Variants in RGS6 observed in about 807,000 individuals in gnomAD.
The protein encoded by RGS6 is regulator of G protein signaling 6, also known as regulator of G-protein signaling 6.
A neutral mutation model predicts 78.5 loss-of-function variants in RGS6; 30 were observed. The ratio of observed to expected loss-of-function variants is 0.38; its 90% CI spans 0.29 to 0.52. RGS6 has a LOEUF of 0.52. Among genes scored for constraint, RGS6 ranks in the 20% least tolerant of loss-of-function variants. The pLI is 0.85. For synonymous variants in RGS6, 206 were observed against 206.0 expected (o/e 1.00, Z 0.00); for missense variants, 495 against 609.7 (o/e 0.81, Z 1.98).
intron 17 of RGS6, among the ~76,000 whole-genome samples, chr14:72,553,903 A>T (rs891356162): frequency 2.6e-5 from 4 of 152,202 alleles, no homozygotes; most frequent in South Asian, 2.1e-4. Context: ...CCTCTGTCCC[A>T]TGGGGACCAA....
chr14:71,910,300 C>CT, the RGS6 span, among the ~76,000 whole-genome samples: 1 of 152,342 alleles, frequency 6.6e-6, no homozygotes, highest in Middle Eastern at 3.4e-3. Context: ...ATAAATTCTC[C>CT]TTTACTGGAG....
chr14:72,329,197 T>G (rs1342893021), intron 2 of RGS6, among the ~76,000 whole-genome samples: 1 of 152,280 alleles, frequency 6.6e-6, no homozygotes, highest in Admixed American at 6.5e-5. Context: ...ATTTTAGATG[T>G]TGGGAAGTTT....
intron 2 of RGS6, among the ~76,000 whole-genome samples, chr14:72,313,733 A>G (rs540661356): frequency 2.5e-4 from 38 of 152,330 alleles, no homozygotes; most frequent in Admixed American, 1.2e-3. Flanking sequence ...CAAAGGGGCT[A>G]TGGTGTATGT....
chr14:72,095,665 AG>A (rs2095387532), intron 2 of RGS6, among the ~76,000 whole-genome samples: 2 of 152,192 alleles, frequency 1.3e-5, no homozygotes, highest in Non-Finnish European at 2.9e-5. Flanking sequence ...AGGAACAGAG[AG>A]GGAACGTATG....
At position 71,975,537 on chromosome 14, in the gene RGS6, C is replaced by G. The variant is rs774194197; in HGVS notation, c.84+10662C>G. The stretch of plus-strand genomic sequence containing the variant: ...GCAGTGGTGCAACCTTGGCTCACTG[C>G]AGCTGCCACCTCCTGGAATCAAGTG... On this transcript the variant is annotated intron_variant, in intron 2 of 17. Coordinates refer to ENST00000553525, the MANE Select transcript of RGS6 (RefSeq NM_001204424.2). Among the ~76,000 whole-genome samples, 28 of 152,122 alleles carry G rather than the reference C, an allele frequency of 1.8e-4. 1 individual carries two copies. Among genetic ancestry groups the G allele is most frequent in the Non-Finnish European group, 4.1e-4 (28 of 67,998 alleles).
intron 2 of RGS6, among the ~76,000 whole-genome samples, chr14:72,309,295 A>G (rs1020876483): frequency 6.6e-6 from 1 of 152,232 alleles, no homozygotes; most frequent in African/African-American, 2.4e-5. Flanking sequence ...GTTACAAGCC[A>G]AAGTAGGAAG....
chr14:72,537,369 A>G (rs1335253667), intron 16 of RGS6: 2 of 646,216 alleles, frequency 3.1e-6, no homozygotes, highest in African/African-American at 3.6e-5. Flanking sequence ...GGACCACACA[A>G]CTCCAGAGTC....
intron 2 of RGS6, among the ~76,000 whole-genome samples, chr14:72,070,140 C>CTCTCTCTCTG (rs1190036038): frequency 6.6e-6 from 1 of 152,104 alleles, no homozygotes; most frequent in South Asian, 2.1e-4. Context: ...ATTTCTCTCT[C>CTCTCTCTCTG]TCTCTCTCTG....
chr14:71,877,967 T>A, the RGS6 span, among the ~76,000 whole-genome samples: 1 of 152,204 alleles, frequency 6.6e-6, no homozygotes, highest in Non-Finnish European at 1.5e-5. Flanking sequence ...GCTATTTGCC[T>A]GGGTATCACC....
chr14:72,590,282 T>C, the RGS6 span, among the ~76,000 whole-genome samples: 1 of 152,384 alleles, frequency 6.6e-6, no homozygotes, highest in African/African-American at 2.4e-5. Flanking sequence ...AATCCCATCC[T>C]AGGTATTTAA....
the RGS6 span, among the ~76,000 whole-genome samples, chr14:71,895,472 C>A: frequency 6.6e-6 from 1 of 152,210 alleles, no homozygotes; most frequent in Non-Finnish European, 1.5e-5. Context: ...CAGGCATGAG[C>A]CACCACAACC....
rs535516580 is a variant in RGS6, at chr14:71,955,899, C to T, written c.-20-8873C>T. Among the ~76,000 whole-genome samples the T allele has an allele frequency of 1.1e-4, 16 of 152,192 alleles. No individual in the cohort carries two copies. In the South Asian group the frequency reaches 3.3e-3, roughly 32 times the overall value. The stretch of plus-strand genomic sequence containing the variant: ...AATTCCTCTGACAGAAAAACTTTCC[C>T]CCATAAGAAAAAGGAAGATGGAGAA... On this transcript the variant is annotated intron_variant, in intron 1 of 17. Coordinates refer to ENST00000553525, the MANE Select transcript of RGS6 (RefSeq NM_001204424.2).
intron 2 of RGS6, among the ~76,000 whole-genome samples, chr14:71,994,742 A>T (rs975731122): frequency 1.3e-5 from 2 of 151,798 alleles, no homozygotes; most frequent in Non-Finnish European, 2.9e-5. Flanking sequence ...GAAGCCAAGG[A>T]ACTACCAGAA....
intron 2 of RGS6, among the ~76,000 whole-genome samples, chr14:72,067,823 C>T (rs1004135131): frequency 3.3e-5 from 5 of 152,154 alleles, no homozygotes; most frequent in South Asian, 4.1e-4. Flanking sequence ...TGTTTACCAA[C>T]GCTGTAATAT....
intron 2 of RGS6, among the ~76,000 whole-genome samples, chr14:72,210,837 TA>T (rs1391166765): frequency 6.6e-6 from 1 of 152,146 alleles, no homozygotes; most frequent in Non-Finnish European, 1.5e-5. Context: ...TGTTTTTTTT[TA>T]AACCATCATA....
At chr14:72,318,533 C>A (rs897746176) in intron 2 of RGS6, among the ~76,000 whole-genome samples, 1 of 152,064 alleles carries the variant, frequency 6.6e-6, no homozygotes, top group Non-Finnish European at 1.5e-5. Context: ...ATTTTGCTTT[C>A]AAAAAGCTGG....
chr14:72,068,516 G>A (rs377413167), intron 2 of RGS6, among the ~76,000 whole-genome samples: 1 of 53,190 alleles, frequency 1.9e-5, no homozygotes, highest in Non-Finnish European at 3.9e-5. Context: ...TTTTTTTTTT[G>A]AGACAGAGTC....
intron 17 of RGS6, chr14:72,540,689 C>T (rs2097313345): frequency 7.3e-7 from 1 of 1,372,782 alleles, no homozygotes; most frequent in Admixed American, 1.9e-5. Flanking sequence ...CCATCAGCCT[C>T]ATGTGCACAG....
In RGS6 at chr14:72,478,292, G is replaced by A. The variant is rs757454073; in HGVS notation, c.817G>A (p.Asp273Asn). The stretch of plus-strand genomic sequence containing the variant: ...GATAACATTTTTGAACGCACAGATC[G>A]ACAGACATTGTTTGAAAATGTCCAA... ...KQITFLNAQI[D>N]RHCLKMSKVA... The change falls in exon 12 of 18, where the codon GAC becomes AAC. Residue 273 changes from aspartate to asparagine, a missense_variant. By Grantham distance (23) the Asp-to-Asn change is conservative. Coordinates refer to ENST00000553525, the MANE Select transcript of RGS6 (RefSeq NM_001204424.2). The A allele has an allele frequency of 5.6e-6, 9 of 1,612,750 alleles. No homozygotes were observed. The highest frequency in any genetic ancestry group is 6.8e-6 in the Non-Finnish European group (8 of 1,178,844).
Sources: gnomAD v4.1 joint callset for allele counts (sites outside exome capture counted in the v4.1 genomes callset) on GRCh38, gnomAD v4.1.1 for gene constraint, MANE v1.5 for transcripts, NCBI Gene and HGNC (gene_info 2026-07-23, HGNC 2026-07-21) for gene names.